The following GNG2 variants were observed in gnomAD, a reference collection of about 807,000 sequenced individuals.
GNG2 encodes the protein guanine nucleotide-binding protein G(I)/G(S)/G(O) subunit gamma-2.
Under a neutral mutation model 5.5 loss-of-function variants are expected in GNG2, and 5 were observed. That is an observed-to-expected ratio of 0.91 (90% confidence interval 0.48 to 1.92). The LOEUF is 1.92. Among genes scored for constraint, GNG2 ranks in the 30% most tolerant of loss-of-function variants. The probability of loss-of-function intolerance (pLI) is 0.01; values close to 1 mark genes in which losing one functional copy is unlikely to be tolerated. For missense variants in GNG2, 55 were observed against 88.4 expected (o/e 0.62, Z 1.52); for synonymous variants, 28 against 32.0 (o/e 0.88, Z 0.42).
At chr14:51,876,543 C>T (rs17124698) in intron 1 of GNG2, among the ~76,000 whole-genome samples, 15,505 of 152,144 alleles carry the variant, frequency 0.1, 1,419 homozygotes, top group African/African-American at 0.24. Context: ...GCTTATTTTG[C>T]CTGTCCCACC....
At chr14:51,827,061 G>A (rs192549394) in intron 1 of GNG2, among the ~76,000 whole-genome samples, 1,732 of 152,320 alleles carry the variant, frequency 0.011, 14 homozygotes, top group Non-Finnish European at 0.016. Flanking sequence ...GGCAGGTAAG[G>A]AAGGGAGGCT....
At chr14:51,892,027 A>G (rs534757342) in intron 2 of GNG2, among the ~76,000 whole-genome samples, 3 of 152,338 alleles carry the variant, frequency 2.0e-5, no homozygotes, top group Admixed American at 6.5e-5. Context: ...TTTATTCTTC[A>G]TTAGCAGTAT....
intron 1 of GNG2, chr14:51,873,736 C>T (rs572594770): frequency 6.6e-6 from 1 of 152,340 alleles, no homozygotes; most frequent in Non-Finnish European, 1.5e-5. Context: ...CTAAAAGGCA[C>T]CAAATGCTGC....
At chr14:51,872,910 C>T (rs759247738) in intron 1 of GNG2, among the ~76,000 whole-genome samples, 54 of 152,162 alleles carry the variant, frequency 3.5e-4, no homozygotes, top group Non-Finnish European at 4.4e-4. Flanking sequence ...TACATGTGGT[C>T]ATGTACCCAC....
chr14:51,932,091 G>C (rs773910180), intron 2 of GNG2, among the ~76,000 whole-genome samples: 33 of 151,516 alleles, frequency 2.2e-4, no homozygotes, highest in Non-Finnish European at 4.6e-4. Context: ...CTAAAAAATA[G>C]AAAAAATTAG....
chr14:51,841,448 C>A, intron 2 of GNG2: 1 of 673,984 alleles, frequency 1.5e-6, no homozygotes, highest in Non-Finnish European at 2.7e-6. Context: ...TGTATGAATT[C>A]ATATAATCCT....
intron 2 of GNG2, among the ~76,000 whole-genome samples, chr14:51,850,286 G>A (rs1401460384): frequency 6.6e-6 from 1 of 152,056 alleles, no homozygotes; most frequent in Non-Finnish European, 1.5e-5. Flanking sequence ...TTATGTGGCT[G>A]TTAAAATTGC....
chr14:51,916,455 G>A (rs909210175), intron 2 of GNG2: 2 of 453,862 alleles, frequency 4.4e-6, no homozygotes, highest in South Asian at 1.6e-5. Flanking sequence ...CGGTCTCTAG[G>A]ATGCCAGTGT....
intron 2 of GNG2, among the ~76,000 whole-genome samples, chr14:51,881,022 G>A (rs1294129423): frequency 2.1e-5 from 3 of 144,818 alleles, no homozygotes; most frequent in Non-Finnish European, 1.5e-5. Flanking sequence ...CAGCAGCCAC[G>A]TTTATAGTCA....
chr14:51,881,557 C>T (rs1376751502), intron 2 of GNG2, among the ~76,000 whole-genome samples: 1 of 152,166 alleles, frequency 6.6e-6, no homozygotes, highest in East Asian at 1.9e-4. Context: ...CCTGGGGCCT[C>T]ATCCCTTACA....
chr14:51,860,283 G>A (rs903367478), upstream of GNG2: 1 of 152,600 alleles, frequency 6.6e-6, no homozygotes, highest in Non-Finnish European at 1.5e-5. Context: ...AACAAGCCAG[G>A]TTCAGGCTAA....
At chr14:51,905,827 AG>A (rs749205284) in intron 2 of GNG2, among the ~76,000 whole-genome samples, 4 of 152,328 alleles carry the variant, frequency 2.6e-5, no homozygotes, top group Non-Finnish European at 5.9e-5. Flanking sequence ...TGGTTTTATA[AG>A]GGGCTTTCCC....
At chr14:51,883,548 C>T (rs1416079888) in intron 2 of GNG2, among the ~76,000 whole-genome samples, 1 of 151,902 alleles carries the variant, frequency 6.6e-6, no homozygotes, top group Non-Finnish European at 1.5e-5. Context: ...GCCACATGTA[C>T]TGTGTTTAAA....
chr14:51,842,767 C>G (rs1881518046), intron 2 of GNG2, among the ~76,000 whole-genome samples: 1 of 151,844 alleles, frequency 6.6e-6, no homozygotes, highest in African/African-American at 2.4e-5. Context: ...TGGATTCAAG[C>G]AATTCTCGTG....
intron 3 of GNG2, among the ~76,000 whole-genome samples, chr14:51,955,715 A>T (rs565352002): frequency 7.3e-4 from 111 of 152,336 alleles, no homozygotes; most frequent in Non-Finnish European, 1.3e-3. Context: ...AAAAGGATGG[A>T]ATTAGTCATT....
chr14:51,969,410 T>A lies in GNG2; in HGVS notation c.*2723T>A, dbSNP rs1156405494. 1 of 152,216 alleles carries A rather than the reference T, an allele frequency of 6.6e-6. No individual in the cohort carries two copies. The highest frequency in any genetic ancestry group is 1.9e-4 in the East Asian group (1 of 5,200). The allele number at this position is 152,216 out of a possible 1,614,324, so 9.4% of individuals were successfully genotyped here. A position where few individuals can be genotyped will look rare whatever the true frequency, so the allele number is the denominator to read the frequency against. On this transcript the variant is annotated 3_prime_UTR_variant, in exon 4 of 4. Coordinates refer to ENST00000556766, the MANE Select transcript of GNG2 (RefSeq NM_053064.5). ...GCAAATACATACTTTGATCTATGTT[T>A]GATTTTGCTAATAATATTTGAAGGA...
At chr14:51,908,033 TAA>T (rs990357884) in intron 2 of GNG2, among the ~76,000 whole-genome samples, 4 of 152,246 alleles carry the variant, frequency 2.6e-5, no homozygotes, top group African/African-American at 7.2e-5. Flanking sequence ...ATCTATCTTC[TAA>T]TAGTTTTGTG....
At chr14:51,864,182 A>G (rs2140107399) in intron 1 of GNG2, among the ~76,000 whole-genome samples, 1 of 152,182 alleles carries the variant, frequency 6.6e-6, no homozygotes, top group East Asian at 1.9e-4. Context: ...TTTGTTTTTT[A>G]TTTATGTTTT....
At chr14:51,893,971 G>A (rs34410329) in intron 2 of GNG2, among the ~76,000 whole-genome samples, 79,388 of 151,864 alleles carry the variant, frequency 0.52, 21,126 homozygotes, top group African/African-American at 0.63. Flanking sequence ...TGTCAATGAT[G>A]CCATCTTCAT....
Sources: allele counts gnomAD v4.1 joint callset (sites outside exome capture counted in the v4.1 genomes callset), GRCh38; gene constraint gnomAD v4.1.1; transcripts MANE v1.5; gene names NCBI Gene and HGNC (gene_info 2026-07-23, HGNC 2026-07-21).